The following PDE8B variants were observed in gnomAD, a reference collection of about 807,000 sequenced individuals.
The protein encoded by PDE8B is high affinity cAMP-specific and IBMX-insensitive 3',5'-cyclic phosphodiesterase 8B.
Under a neutral mutation model 101.3 loss-of-function variants are expected in PDE8B, and 26 were observed. That is an observed-to-expected ratio of 0.26 (90% CI 0.19 to 0.36). The LOEUF (loss-of-function observed/expected upper bound fraction) is 0.36. PDE8B is among the 10% of genes least tolerant of loss of function. The pLI is 1.00. For synonymous variants in PDE8B, 424 were observed against 429.3 expected (o/e 0.99, Z 0.15); for missense variants, 810 against 1,163.1 (o/e 0.70, Z 4.42).
chr5:77,239,224 G>T lies in PDE8B; in HGVS notation c.339+27960G>T, dbSNP rs556405268. On this transcript the variant is annotated intron_variant, in intron 1 of 21. Transcript: ENST00000264917. ...TCCGTTTTAGCAGGGAATCAACCCT[G>T]TTGGGTTCAGACCACAATTTCTAGT... Among the ~76,000 whole-genome samples the T allele has an allele frequency of 7.2e-5, 11 of 152,316 alleles. No individual in the cohort carries two copies. The East Asian group carries it at 1.7e-3, about 24-fold the overall frequency.
intron 10 of PDE8B, among the ~76,000 whole-genome samples, chr5:77,361,334 T>C (rs1783055936): frequency 6.6e-6 from 1 of 152,166 alleles, no homozygotes; most frequent in South Asian, 2.1e-4. Flanking sequence ...ATGTTAATAA[T>C]ACAAGATAAA....
chr5:77,228,850 T>C (rs1465091960), intron 1 of PDE8B, among the ~76,000 whole-genome samples: 3 of 152,186 alleles, frequency 2.0e-5, no homozygotes, highest in Non-Finnish European at 2.9e-5. Flanking sequence ...TAGCAGCATT[T>C]ATAATGATTT....
At chr5:77,362,638 C>G (rs1783327881) in intron 10 of PDE8B, among the ~76,000 whole-genome samples, 1 of 152,208 alleles carries the variant, frequency 6.6e-6, no homozygotes, top group Non-Finnish European at 1.5e-5. Context: ...GGTTCCTCAT[C>G]ACTGACTAAA....
At chr5:77,098,282 CT>C in the PDE8B span, among the ~76,000 whole-genome samples, 5,239 of 141,054 alleles carry the variant, frequency 0.037, 271 homozygotes, top group African/African-American at 0.12. Flanking sequence ...CCACCTTCCT[CT>C]TTTTTTTTTT....
chr5:77,359,113 A>G (rs1782645940), intron 10 of PDE8B, among the ~76,000 whole-genome samples: 1 of 152,154 alleles, frequency 6.6e-6, no homozygotes, highest in Admixed American at 6.5e-5. Context: ...TGAGGGCACA[A>G]GATAAGCAGG....
chr5:77,177,804 G>A, the PDE8B span, among the ~76,000 whole-genome samples: 1 of 152,228 alleles, frequency 6.6e-6, no homozygotes, highest in Admixed American at 6.5e-5. Context: ...GACGATTCAC[G>A]TTCTGGGCAG....
the PDE8B span, among the ~76,000 whole-genome samples, chr5:77,169,332 G>T: frequency 6.6e-6 from 1 of 152,308 alleles, no homozygotes; most frequent in Admixed American, 6.5e-5. Flanking sequence ...TTCACATAAA[G>T]CCTAGAACGG....
At chr5:77,183,100 G>A in the PDE8B span, among the ~76,000 whole-genome samples, 2 of 130,502 alleles carry the variant, frequency 1.5e-5, no homozygotes, top group Non-Finnish European at 3.0e-5. Flanking sequence ...TTCTGAAGAT[G>A]TGCTATTATT....
the PDE8B span, among the ~76,000 whole-genome samples, chr5:77,163,079 C>G: frequency 0.039 from 5,862 of 152,246 alleles, 373 homozygotes; most frequent in African/African-American, 0.13. Flanking sequence ...TCAAAGTAGC[C>G]ATTTGCCATT....
chr5:77,097,221 C>T, the PDE8B span, among the ~76,000 whole-genome samples: 1 of 152,028 alleles, frequency 6.6e-6, no homozygotes, highest in African/African-American at 2.4e-5. Context: ...AGACATGAAA[C>T]CAGGGGAACA....
chr5:77,180,188 G>A, the PDE8B span, among the ~76,000 whole-genome samples: 1 of 152,192 alleles, frequency 6.6e-6, no homozygotes, highest in Non-Finnish European at 1.5e-5. Flanking sequence ...GAGCGGAGCA[G>A]CTCAGCGGGC....
the PDE8B span, among the ~76,000 whole-genome samples, chr5:77,178,475 A>G: frequency 6.6e-6 from 1 of 152,122 alleles, no homozygotes; most frequent in Non-Finnish European, 1.5e-5. Flanking sequence ...TTGTCTACCC[A>G]GGCCTAAAAA....
At chr5:77,200,608 GT>G in the PDE8B span, among the ~76,000 whole-genome samples, 1 of 151,932 alleles carries the variant, frequency 6.6e-6, no homozygotes, top group Non-Finnish European at 1.5e-5. Context: ...CATTGTTTTT[GT>G]TTTGCAATAT....
chr5:77,168,374 T>C, the PDE8B span, among the ~76,000 whole-genome samples: 1 of 152,226 alleles, frequency 6.6e-6, no homozygotes, highest in Non-Finnish European at 1.5e-5. Flanking sequence ...ACGGCAGCCC[T>C]GGCACAGAGC....
At chr5:77,412,044 C>T (rs541928307) in intron 15 of PDE8B, 56 bp from the exon 16 acceptor site, 44 of 1,586,768 alleles carry the variant, frequency 2.8e-5, no homozygotes, top group African/African-American at 1.9e-4. Flanking sequence ...GACAGACACC[C>T]GGGCACTCAA....
intron 10 of PDE8B, among the ~76,000 whole-genome samples, chr5:77,372,897 G>A (rs184032921): frequency 4.5e-4 from 68 of 152,284 alleles, no homozygotes; most frequent in Admixed American, 3.1e-3. Context: ...GTGTAGCGGC[G>A]TGCCGCTATA....
At chr5:77,420,266 C>T (rs889745989) in intron 19 of PDE8B, among the ~76,000 whole-genome samples, 1 of 152,104 alleles carries the variant, frequency 6.6e-6, no homozygotes, top group Non-Finnish European at 1.5e-5. Flanking sequence ...TTTTAAAAAA[C>T]AAAGAATGTT....
At chr5:77,178,804 C>T in the PDE8B span, among the ~76,000 whole-genome samples, 2 of 152,126 alleles carry the variant, frequency 1.3e-5, no homozygotes, top group East Asian at 3.8e-4. Context: ...CTTTCAGGCT[C>T]TCCTGATTTT....
intron 1 of PDE8B, among the ~76,000 whole-genome samples, chr5:77,298,344 C>A (rs1422843407): frequency 6.6e-6 from 1 of 152,184 alleles, no homozygotes; most frequent in African/African-American, 2.4e-5. Context: ...ATCATGGCCT[C>A]TGTTACCCTA....
Sources: gnomAD v4.1 joint callset for allele counts (sites outside exome capture counted in the v4.1 genomes callset) on GRCh38, gnomAD v4.1.1 for gene constraint, MANE v1.5 for transcripts, NCBI Gene and HGNC (gene_info 2026-07-23, HGNC 2026-07-21) for gene names.